TMEM255A: variants seen among roughly 807,000 people sequenced by gnomAD.
TMEM255A encodes family with sequence similarity 70, member A.
Under a neutral mutation model 23.5 loss-of-function variants are expected in TMEM255A, and 14 were observed. The ratio of observed to expected loss-of-function variants is 0.60; its 90% confidence interval spans 0.39 to 0.93. The LOEUF (loss-of-function observed/expected upper bound fraction) is 0.93. Ranked by LOEUF, TMEM255A falls within the 40% of genes least tolerant of loss-of-function variation. The probability of loss-of-function intolerance (pLI) is 0.00; values close to 1 mark genes in which losing one functional copy is unlikely to be tolerated. For missense variants in TMEM255A, 233 were observed against 261.7 expected (o/e 0.89, Z 0.76); for synonymous variants, 104 against 100.3 (o/e 1.04, Z -0.22).
At chrX:120,280,942 G>A (rs1321831690) in intron 6 of TMEM255A, among the ~76,000 whole-genome samples, 1 of 112,067 alleles carries the variant, frequency 8.9e-6, no homozygotes, top group Non-Finnish European at 1.9e-5. Context: ...CTTCAAAGAC[G>A]CCACTACCCA....
At chrX:120,287,488 T>A (rs2057885785) in intron 4 of TMEM255A, among the ~76,000 whole-genome samples, 1 of 111,790 alleles carries the variant, frequency 8.9e-6, no homozygotes, top group Non-Finnish European at 1.9e-5. Flanking sequence ...AATGGGCTTC[T>A]TGAAATTTCC....
intron 7 of TMEM255A, 47 bp from the exon 8 acceptor site, chrX:120,268,434 G>A: frequency 9.5e-7 from 1 of 1,050,667 alleles, no homozygotes; most frequent in Non-Finnish European, 1.3e-6. Flanking sequence ...TCATCACTAG[G>A]AGAATGGTTA....
chrX:120,298,882 A>AGT (rs1187369456), intron 2 of TMEM255A, among the ~76,000 whole-genome samples: 1 of 108,298 alleles, frequency 9.2e-6, no homozygotes, highest in Non-Finnish European at 1.9e-5. Context: ...GCACCTAGAG[A>AGT]GAGAGAGAGA....
intron 7 of TMEM255A, among the ~76,000 whole-genome samples, chrX:120,271,049 A>G (rs1427687582): frequency 9.1e-6 from 1 of 110,442 alleles, no homozygotes; most frequent in African/African-American, 3.3e-5. Flanking sequence ...CTTTGCTTTC[A>G]TTTTTTTTCT....
chrX:120,280,399 T>A (rs1556020639), intron 6 of TMEM255A, among the ~76,000 whole-genome samples: 1 of 98,246 alleles, frequency 1.0e-5, no homozygotes, highest in Non-Finnish European at 2.0e-5. Context: ...TCAGTTTGAG[T>A]GGTTCCAGCA....
At chrX:120,266,408 CG>C (rs1415935407) in intron 8 of TMEM255A, among the ~76,000 whole-genome samples, 3 of 109,711 alleles carry the variant, frequency 2.7e-5, no homozygotes, top group African/African-American at 1.0e-4. Flanking sequence ...TGGCTCAATG[CG>C]TGGCACATGG....
At chrX:120,286,394 A>T in intron 5 of TMEM255A, among the ~76,000 whole-genome samples, 1 of 112,216 alleles carries the variant, frequency 8.9e-6, no homozygotes, top group African/African-American at 3.2e-5. Flanking sequence ...AATTGTCAAG[A>T]TTCCTGGAAG....
intron 1 of TMEM255A, among the ~76,000 whole-genome samples, chrX:120,307,414 T>C (rs1280443892): frequency 8.9e-6 from 1 of 112,202 alleles, no homozygotes; most frequent in Non-Finnish European, 1.9e-5. Context: ...CATCTTATTC[T>C]GATTTTGTTT....
intron 1 of TMEM255A, among the ~76,000 whole-genome samples, chrX:120,306,948 C>A (rs917288397): frequency 6.2e-5 from 7 of 112,343 alleles, no homozygotes; most frequent in African/African-American, 2.3e-4. Flanking sequence ...CCCACAGGGG[C>A]CTTGACTCCA....
intron 8 of TMEM255A, among the ~76,000 whole-genome samples, chrX:120,266,954 AACC>A (rs2057722045): frequency 8.9e-6 from 1 of 112,226 alleles, no homozygotes; most frequent in Non-Finnish European, 1.9e-5. Flanking sequence ...TCTAAGCTTT[AACC>A]CATTTATGCC....
chrX:120,271,013 A>G (rs782054665), intron 7 of TMEM255A, among the ~76,000 whole-genome samples: 2 of 110,507 alleles, frequency 1.8e-5, no homozygotes, highest in Non-Finnish European at 3.8e-5. Context: ...CTCTAATCTC[A>G]TGAATCAAAG....
At chrX:120,253,956 A>G (rs2035750577), downstream of TMEM255A, 1 of 1,196,023 alleles carries the variant, frequency 8.4e-7, no homozygotes, top group Non-Finnish European at 1.1e-6. Flanking sequence ...TTATGAAATG[A>G]AAAAGATCAT....
intron 7 of TMEM255A, 118 bp from the exon 8 acceptor site, chrX:120,268,505 G>T: frequency 2.0e-6 from 1 of 488,312 alleles, no homozygotes; most frequent in Non-Finnish European, 3.1e-6. Flanking sequence ...CAATGATGTG[G>T]ACCTATTTAG....
chrX:120,285,990 T>C (rs1376561416), intron 5 of TMEM255A: 1 of 1,013,983 alleles, frequency 9.9e-7, no homozygotes, highest in Non-Finnish European at 1.3e-6. Flanking sequence ...TCATAGCAAA[T>C]GGGCATTTTT....
intron 4 of TMEM255A, among the ~76,000 whole-genome samples, chrX:120,289,974 AC>A (rs1270757324): frequency 9.0e-6 from 1 of 111,474 alleles, no homozygotes; most frequent in African/African-American, 3.3e-5. Flanking sequence ...GAATAGGGAT[AC>A]CTTACACAAA....
At chrX:120,305,300 G>A (rs2147221286) in intron 1 of TMEM255A, among the ~76,000 whole-genome samples, 1 of 111,297 alleles carries the variant, frequency 9.0e-6, no homozygotes, top group South Asian at 3.8e-4. Flanking sequence ...TGGTATCTAG[G>A]CTCACTTTTT....
downstream of TMEM255A, chrX:120,253,750 T>G: frequency 8.3e-7 from 1 of 1,211,662 alleles, no homozygotes; most frequent in Non-Finnish European, 1.1e-6. Context: ...GGAGTGAAAT[T>G]TATAGCAGAG....
chrX:120,291,399 G>GA, intron 3 of TMEM255A, 59 bp from the exon 4 acceptor site: 1 of 972,167 alleles, frequency 1.0e-6, no homozygotes, highest in African/African-American at 1.9e-5. Flanking sequence ...TGCCTCTGGG[G>GA]ACCAGGCAAT....
At chrX:120,300,410 C>T in intron 2 of TMEM255A, among the ~76,000 whole-genome samples, 1 of 110,863 alleles carries the variant, frequency 9.0e-6, no homozygotes, top group Middle Eastern at 4.6e-3. Context: ...TTTTTTGAGA[C>T]AGGACCTCGA....
Sources: gnomAD v4.1 joint callset for allele counts (sites outside exome capture counted in the v4.1 genomes callset) on GRCh38, gnomAD v4.1.1 for gene constraint, MANE v1.5 for transcripts, NCBI Gene and HGNC (gene_info 2026-07-23, HGNC 2026-07-21) for gene names.